The following SEMA6D variants were observed in gnomAD, a reference collection of about 807,000 sequenced individuals.
The protein encoded by SEMA6D is semaphorin 6D, also known as semaphorin-6D.
SEMA6D carries 35 observed loss-of-function variants against 106.6 expected under a neutral mutation model. That is an observed-to-expected ratio of 0.33 (90% CI 0.25 to 0.44). SEMA6D has a LOEUF of 0.44. Ranked by LOEUF, SEMA6D falls within the 20% of genes least tolerant of loss-of-function variation. The pLI is 1.00. For synonymous variants in SEMA6D, 499 were observed against 487.7 expected (o/e 1.02, Z -0.31); for missense variants, 1,185 against 1,345.9 (o/e 0.88, Z 1.87).
At chr15:47,330,086 G>C (rs1245998240) in intron 1 of SEMA6D, among the ~76,000 whole-genome samples, 1 of 152,070 alleles carries the variant, frequency 6.6e-6, no homozygotes, top group Non-Finnish European at 1.5e-5. Flanking sequence ...TCCCACCTGG[G>C]GATCCATCTC....
chr15:47,662,489 A>G lies in SEMA6D; in HGVS notation c.-55+61593A>G, dbSNP rs1596562049. Among the ~76,000 whole-genome samples the G allele has an allele frequency of 4.6e-5, 7 of 152,154 alleles. No homozygotes were observed. The South Asian group carries it at 1.5e-3, about 32-fold the overall frequency. On this transcript the variant is annotated intron_variant, in intron 4 of 19. Transcript: ENST00000558014. ...TGTTTTACAATCAGAAAGGCCAGAA[A>G]ATTCTGTTATTAGTTCACAAATTTT... is the stretch of plus-strand genomic sequence containing the variant.
At chr15:47,732,753 G>T (rs943162881) in intron 1 of SEMA6D, among the ~76,000 whole-genome samples, 2 of 151,944 alleles carry the variant, frequency 1.3e-5, no homozygotes, top group African/African-American at 4.8e-5. Flanking sequence ...TGAAAATTTT[G>T]CATACTTGGA....
chr15:47,695,358 A>G (rs534723773), intron 4 of SEMA6D, among the ~76,000 whole-genome samples: 38 of 152,304 alleles, frequency 2.5e-4, no homozygotes, highest in Admixed American at 2.1e-3. Flanking sequence ...GGACAGTTTG[A>G]GCATCTTCCT....
intron 1 of SEMA6D, among the ~76,000 whole-genome samples, chr15:47,354,082 G>A (rs1450654383): frequency 6.7e-6 from 1 of 150,360 alleles, no homozygotes; most frequent in Non-Finnish European, 1.5e-5. Flanking sequence ...TATATGTATA[G>A]AATGAGAGTG....
chr15:47,643,442 G>A (rs1294248010), intron 4 of SEMA6D, among the ~76,000 whole-genome samples: 1 of 152,192 alleles, frequency 6.6e-6, no homozygotes. Flanking sequence ...TAACCTAGCT[G>A]TAGCATGCAA....
At chr15:47,645,608 C>T (rs983598966) in intron 4 of SEMA6D, among the ~76,000 whole-genome samples, 9 of 151,978 alleles carry the variant, frequency 5.9e-5, no homozygotes, top group African/African-American at 1.5e-4. Flanking sequence ...AGTACCTCAG[C>T]GGACACCAGC....
upstream of SEMA6D, among the ~76,000 whole-genome samples, chr15:47,713,342 A>G (rs1173812626): frequency 6.6e-6 from 1 of 152,224 alleles, no homozygotes; most frequent in Non-Finnish European, 1.5e-5. Context: ...AATAATAGAA[A>G]TGAATTATGT....
intron 1 of SEMA6D, among the ~76,000 whole-genome samples, chr15:47,303,528 A>ATTTC (rs1396669718): frequency 6.6e-6 from 1 of 152,130 alleles, no homozygotes; most frequent in East Asian, 1.9e-4. Flanking sequence ...TCTGTGGATC[A>ATTTC]CCATTGGATG....
chr15:47,690,071 G>A (rs1351697343), intron 4 of SEMA6D, among the ~76,000 whole-genome samples: 1 of 152,176 alleles, frequency 6.6e-6, no homozygotes, highest in Non-Finnish European at 1.5e-5. Context: ...TCTGTCACAG[G>A]GACAGAGGCT....
At chr15:47,746,558 A>C (rs1051900309) in intron 1 of SEMA6D, among the ~76,000 whole-genome samples, 5 of 152,330 alleles carry the variant, frequency 3.3e-5, no homozygotes, top group South Asian at 2.1e-4. Context: ...CGGTGGTTGC[A>C]TCAGACAAGT....
chr15:47,324,255 C>A (rs777925298), intron 1 of SEMA6D, among the ~76,000 whole-genome samples: 27 of 152,246 alleles, frequency 1.8e-4, no homozygotes, highest in African/African-American at 6.3e-4. Context: ...TTTTGTTATA[C>A]CTATTTACCT....
At chr15:47,576,823 C>T (rs1359465235) in intron 3 of SEMA6D, among the ~76,000 whole-genome samples, 1 of 152,192 alleles carries the variant, frequency 6.6e-6, no homozygotes, top group East Asian at 1.9e-4. Context: ...GCTTATCTAT[C>T]CAGAACAAAA....
At chr15:47,425,667 ACTTT>A (rs1382349398) in intron 2 of SEMA6D, among the ~76,000 whole-genome samples, 59 of 148,862 alleles carry the variant, frequency 4.0e-4, no homozygotes, top group African/African-American at 1.4e-3. Flanking sequence ...TATTTAAGAT[ACTTT>A]CTTTTTTTTT....
intron 3 of SEMA6D, among the ~76,000 whole-genome samples, chr15:47,583,117 T>G (rs1430777332): frequency 6.6e-6 from 1 of 152,126 alleles, no homozygotes; most frequent in East Asian, 1.9e-4. Context: ...CCTCCTAGGA[T>G]GTACATCCCT....
chr15:47,219,352 T>G (rs1164259974), intron 1 of SEMA6D, among the ~76,000 whole-genome samples: 1 of 152,196 alleles, frequency 6.6e-6, no homozygotes, highest in Non-Finnish European at 1.5e-5. Flanking sequence ...TTTAGGCGGT[T>G]ACAGCTACCA....
At position 47,349,733 on chromosome 15, in the gene SEMA6D, CAGATT is replaced by C. The variant is rs1321905027; in HGVS notation, c.-238-62659_-238-62655del. Among the ~76,000 whole-genome samples the C allele has an allele frequency of 4.9e-4, 55 of 111,550 alleles. No homozygotes were observed. In the East Asian group the frequency reaches 9.5e-3, roughly 19 times the overall value. The allele number at this position is 111,550 out of a possible 152,430, so 73.2% of individuals were successfully genotyped here. A position where few individuals can be genotyped will look rare whatever the true frequency, so the allele number is the denominator to read the frequency against. On this transcript the variant is annotated intron_variant, in intron 1 of 19. Transcript: ENST00000558014. The stretch of plus-strand genomic sequence containing the variant: ...CTAGAGATAAAGCCTAATAGAAAAA[CAGATT>C]TTGGTAACTGCCTGGAGTAAATTGA...
chr15:47,462,840 G>A (rs1470341134), intron 2 of SEMA6D, among the ~76,000 whole-genome samples: 4 of 152,120 alleles, frequency 2.6e-5, no homozygotes, highest in Non-Finnish European at 5.9e-5. Context: ...GAGAAGGGCT[G>A]AAATAAAGCT....
intron 1 of SEMA6D, among the ~76,000 whole-genome samples, chr15:47,250,837 A>G (rs1853680942): frequency 6.6e-6 from 1 of 152,224 alleles, no homozygotes; most frequent in Admixed American, 6.5e-5. Flanking sequence ...TCTAGCATGA[A>G]TAGTTGCCAT....
At chr15:47,658,122 AT>A (rs1256459097) in intron 4 of SEMA6D, among the ~76,000 whole-genome samples, 2 of 152,136 alleles carry the variant, frequency 1.3e-5, no homozygotes, top group Non-Finnish European at 2.9e-5. Context: ...GGTTTGAGAT[AT>A]TTTTATGATG....
Sources: allele counts gnomAD v4.1 joint callset (sites outside exome capture counted in the v4.1 genomes callset), GRCh38; gene constraint gnomAD v4.1.1; transcripts MANE v1.5; gene names NCBI Gene and HGNC (gene_info 2026-07-23, HGNC 2026-07-21).